KCNT2: variants seen among roughly 807,000 people sequenced by gnomAD.
The protein encoded by KCNT2 is potassium channel subfamily T member 2.
Under a neutral mutation model 153.8 loss-of-function variants are expected in KCNT2, and 67 were observed. The observed-to-expected ratio is 0.44, with a 90% confidence interval of 0.36 to 0.53. The LOEUF is 0.53. Among genes scored for constraint, KCNT2 ranks in the 20% least tolerant of loss-of-function variants. KCNT2 has a pLI of 0.00. For synonymous variants in KCNT2, 500 were observed against 458.8 expected (o/e 1.09, Z -1.15); for missense variants, 975 against 1,354.8 (o/e 0.72, Z 4.40).
intron 5 of KCNT2, among the ~76,000 whole-genome samples, chr1:196,477,095 C>A (rs1678601955): frequency 6.6e-6 from 1 of 151,682 alleles, no homozygotes; most frequent in Admixed American, 6.6e-5. Flanking sequence ...AGCTGTCATT[C>A]TTTTCTTTCT....
intron 26 of KCNT2, among the ~76,000 whole-genome samples, chr1:196,254,615 G>A (rs1656298637): frequency 1.3e-5 from 2 of 151,588 alleles, no homozygotes; most frequent in East Asian, 1.9e-4. Context: ...GAAAACTTAT[G>A]AGCTGAAAAC....
At chr1:196,540,707 G>A (rs1437109833) in intron 1 of KCNT2, among the ~76,000 whole-genome samples, 1 of 152,186 alleles carries the variant, frequency 6.6e-6, no homozygotes, top group Non-Finnish European at 1.5e-5. Flanking sequence ...CAGCAAGTAT[G>A]TAACCTTGAA....
intron 5 of KCNT2, among the ~76,000 whole-genome samples, chr1:196,478,453 T>A (rs1482525805): frequency 1.3e-5 from 2 of 152,198 alleles, no homozygotes; most frequent in African/African-American, 2.4e-5. Context: ...TATTTATTAT[T>A]CCTCCAATTT....
At chr1:196,415,393 C>T (rs1190531713) in intron 12 of KCNT2, among the ~76,000 whole-genome samples, 1 of 151,808 alleles carries the variant, frequency 6.6e-6, no homozygotes, top group Non-Finnish European at 1.5e-5. Context: ...CAATATATTA[C>T]ATGGGAGAAT....
At chr1:196,440,734 T>C (rs1675152238) in intron 8 of KCNT2, among the ~76,000 whole-genome samples, 1 of 151,870 alleles carries the variant, frequency 6.6e-6, no homozygotes. Context: ...TATCAAAATA[T>C]ATAACTTAAA....
In KCNT2 at chr1:196,305,080, A is replaced by T. The variant is rs58405754; in HGVS notation, c.2595+154T>A. Among the ~76,000 whole-genome samples, 235 of 152,306 alleles carry T rather than the reference A, an allele frequency of 1.5e-3. 1 individual carries two copies. Among genetic ancestry groups the T allele is most frequent in the African/African-American group, 4.7e-3 (197 of 41,568 alleles). On this transcript the variant is annotated intron_variant, in intron 22 of 27. Coordinates refer to ENST00000294725, the MANE Select transcript of KCNT2 (RefSeq NM_198503.5). ...TTCAAATCTGTCAATTCACATTTTT[A>T]AAAAAATTATCAATTAGAATTTCAT...
intron 1 of KCNT2, among the ~76,000 whole-genome samples, chr1:196,596,082 A>ATATC (rs1317586671): frequency 2.4e-4 from 5 of 21,164 alleles, no homozygotes; most frequent in Admixed American, 5.8e-4. Context: ...ATATATATAT[A>ATATC]TATATATATA....
chr1:196,494,498 C>G (rs1438329058), intron 1 of KCNT2, among the ~76,000 whole-genome samples: 1 of 152,022 alleles, frequency 6.6e-6, no homozygotes, highest in African/African-American at 2.4e-5. Context: ...CTCCCGGGTT[C>G]ACGCCATTCT....
chr1:196,364,528 G>C (rs1022132987), intron 14 of KCNT2, among the ~76,000 whole-genome samples: 10 of 152,032 alleles, frequency 6.6e-5, no homozygotes, highest in Non-Finnish European at 4.4e-5. Context: ...AAATTATTCA[G>C]CAATCTCTCT....
chr1:196,458,452 G>T (rs1676869615), intron 8 of KCNT2, among the ~76,000 whole-genome samples: 1 of 151,740 alleles, frequency 6.6e-6, no homozygotes, highest in Non-Finnish European at 1.5e-5. Flanking sequence ...AAATAATTTT[G>T]TTGTTACGTA....
chr1:196,424,583 T>G (rs1673486975), intron 11 of KCNT2, among the ~76,000 whole-genome samples: 2 of 151,744 alleles, frequency 1.3e-5, no homozygotes, highest in Non-Finnish European at 2.9e-5. Flanking sequence ...TATAAAGTAT[T>G]TAATCCACCA....
chr1:196,605,702 G>A (rs192117501), intron 1 of KCNT2, among the ~76,000 whole-genome samples: 288 of 152,222 alleles, frequency 1.9e-3, no homozygotes, highest in Non-Finnish European at 3.0e-3. Context: ...CTATCCAGGC[G>A]TAATTGCAAA....
intron 8 of KCNT2, among the ~76,000 whole-genome samples, chr1:196,448,313 G>A (rs545490072): frequency 1.3e-5 from 2 of 151,530 alleles, no homozygotes; most frequent in Non-Finnish European, 3.0e-5. Flanking sequence ...AAGGCAATAG[G>A]CAGGGAGCCA....
At chr1:196,446,206 CA>C (rs1218217524) in intron 8 of KCNT2, among the ~76,000 whole-genome samples, 4 of 151,064 alleles carry the variant, frequency 2.6e-5, no homozygotes, top group Non-Finnish European at 4.4e-5. Context: ...AAACACATGA[CA>C]AAAAAATTAA....
At chr1:196,592,183 TA>T (rs537304569) in intron 1 of KCNT2, among the ~76,000 whole-genome samples, 10 of 150,324 alleles carry the variant, frequency 6.7e-5, no homozygotes, top group Admixed American at 2.7e-4. Context: ...TATTCAGCCA[TA>T]AAAAAAAATG....
chr1:196,523,424 C>T (rs1453644282), intron 1 of KCNT2, among the ~76,000 whole-genome samples: 1 of 152,188 alleles, frequency 6.6e-6, no homozygotes, highest in Non-Finnish European at 1.5e-5. Context: ...TTTAAAGCCT[C>T]TCAAAAATGA....
intron 8 of KCNT2, among the ~76,000 whole-genome samples, chr1:196,456,152 C>T (rs937540512): frequency 6.6e-6 from 1 of 152,000 alleles, no homozygotes; most frequent in Admixed American, 6.6e-5. Context: ...CAGGTAGAAG[C>T]TGATATTGGA....
chr1:196,515,026 T>C (rs1681937158), intron 1 of KCNT2, among the ~76,000 whole-genome samples: 1 of 152,190 alleles, frequency 6.6e-6, no homozygotes. Flanking sequence ...ATAATCCATG[T>C]CTCTAATTTA....
intron 1 of KCNT2, among the ~76,000 whole-genome samples, chr1:196,502,417 G>A (rs1680777992): frequency 6.6e-6 from 1 of 152,108 alleles, no homozygotes; most frequent in Non-Finnish European, 1.5e-5. Flanking sequence ...TTTGGAAAGG[G>A]AACTGAGCTA....
Sources: gnomAD v4.1 joint callset for allele counts (sites outside exome capture counted in the v4.1 genomes callset) on GRCh38, gnomAD v4.1.1 for gene constraint, MANE v1.5 for transcripts, NCBI Gene and HGNC (gene_info 2026-07-23, HGNC 2026-07-21) for gene names.